MYO16: variants seen among roughly 807,000 people sequenced by gnomAD.
The protein encoded by MYO16 is myosin XVI.
Under a neutral mutation model 205.3 loss-of-function variants are expected in MYO16, and 94 were observed. The observed-to-expected ratio is 0.46, with a 90% CI of 0.39 to 0.54. The LOEUF is 0.54. Among genes scored for constraint, MYO16 ranks in the 20% least tolerant of loss-of-function variants. The pLI is 0.00. For missense variants in MYO16, 2,315 were observed against 2,387.5 expected, an observed-to-expected ratio of 0.97 and a Z score of 0.63; for synonymous variants, 988 against 954.0, an observed-to-expected ratio of 1.04 and a Z score of -0.66.
intron 15 of MYO16, among the ~76,000 whole-genome samples, chr13:108,904,850 C>G (rs1450669215): frequency 1.3e-5 from 2 of 152,176 alleles, no homozygotes; most frequent in African/African-American, 2.4e-5. Context: ...CTCTTCTACA[C>G]AAGATCGTTC....
At chr13:108,542,152 G>C in the MYO16 span, among the ~76,000 whole-genome samples, 353 of 152,182 alleles carry the variant, frequency 2.3e-3, 2 homozygotes, top group African/African-American at 8.1e-3. Context: ...GAAAGAATGA[G>C]ATCATGCCAT....
At chr13:109,106,760 G>A (rs1326183881) in intron 28 of MYO16, among the ~76,000 whole-genome samples, 1 of 152,208 alleles carries the variant, frequency 6.6e-6, no homozygotes. Flanking sequence ...CTGCACCGAT[G>A]TGGCTCTGTG....
chr13:108,687,106 T>A (rs1882710353), intron 2 of MYO16, among the ~76,000 whole-genome samples: 1 of 152,260 alleles, frequency 6.6e-6, no homozygotes, highest in South Asian at 2.1e-4. Context: ...TAACAAGGAT[T>A]CACATATAAT....
At chr13:108,542,657 A>G in the MYO16 span, among the ~76,000 whole-genome samples, 4 of 152,154 alleles carry the variant, frequency 2.6e-5, no homozygotes, top group Non-Finnish European at 5.9e-5. Context: ...ACTGGCATTT[A>G]TATAAATGTG....
At chr13:108,742,903 C>G (rs1195445303) in intron 4 of MYO16, among the ~76,000 whole-genome samples, 1 of 152,148 alleles carries the variant, frequency 6.6e-6, no homozygotes, top group Non-Finnish European at 1.5e-5. Flanking sequence ...AGGGAATGGT[C>G]TCTGAATAGC....
At chr13:108,842,582 T>A (rs1261451131) in intron 9 of MYO16, among the ~76,000 whole-genome samples, 1 of 152,088 alleles carries the variant, frequency 6.6e-6, no homozygotes, top group African/African-American at 2.4e-5. Flanking sequence ...AGGAAGACAA[T>A]TATCAAAAAG....
At chr13:108,537,697 C>A in the MYO16 span, among the ~76,000 whole-genome samples, 1 of 151,930 alleles carries the variant, frequency 6.6e-6, no homozygotes, top group African/African-American at 2.4e-5. Flanking sequence ...TTAATAATAG[C>A]CATTGTGACT....
At chr13:108,621,626 T>A (rs1002757097) in intron 1 of MYO16, among the ~76,000 whole-genome samples, 8 of 152,118 alleles carry the variant, frequency 5.3e-5, no homozygotes, top group African/African-American at 1.7e-4. Flanking sequence ...TCATCGACAT[T>A]GTCGTGGCTC....
intron 9 of MYO16, among the ~76,000 whole-genome samples, chr13:108,828,122 C>T (rs1025232914): frequency 1.4e-4 from 22 of 152,128 alleles, no homozygotes; most frequent in South Asian, 4.1e-4. Flanking sequence ...AACACCTGGA[C>T]GCATGTCCTG....
chr13:109,001,181 TAA>T (rs111881859), intron 21 of MYO16, among the ~76,000 whole-genome samples: 2 of 137,218 alleles, frequency 1.5e-5, no homozygotes, highest in African/African-American at 5.4e-5. Context: ...ATAAAAAATT[TAA>T]AAAAAAAAAA....
At chr13:108,806,845 T>C (rs1224279577) in intron 7 of MYO16, 41 bp downstream of exon 7, 2 of 1,315,598 alleles carry the variant, frequency 1.5e-6, no homozygotes, top group Admixed American at 5.2e-5. Flanking sequence ...TAATTTTATA[T>C]AATTAATGAA....
intron 27 of MYO16, among the ~76,000 whole-genome samples, chr13:109,082,686 T>G (rs2139673064): frequency 6.6e-6 from 1 of 152,042 alleles, no homozygotes; most frequent in South Asian, 2.1e-4. Context: ...AATATGAAAA[T>G]TAGCTGGGCC....
chr13:108,559,976 T>C, the MYO16 span, among the ~76,000 whole-genome samples: 1 of 152,160 alleles, frequency 6.6e-6, no homozygotes, highest in Non-Finnish European at 1.5e-5. Context: ...TACTTAAAAA[T>C]TGTTATGGTA....
the MYO16 span, among the ~76,000 whole-genome samples, chr13:108,570,294 G>A: frequency 5.3e-5 from 8 of 151,748 alleles, no homozygotes; most frequent in Middle Eastern, 3.4e-3. Context: ...TATCACCCAG[G>A]CTGGAGTGCA....
chr13:108,674,930 G>A (rs1321151346), intron 2 of MYO16, among the ~76,000 whole-genome samples: 2 of 152,188 alleles, frequency 1.3e-5, no homozygotes, highest in Admixed American at 6.5e-5. Context: ...TGACAACATG[G>A]TGCTGTCTGC....
intron 2 of MYO16, among the ~76,000 whole-genome samples, chr13:108,681,550 C>T (rs542251772): frequency 6.6e-6 from 1 of 152,210 alleles, no homozygotes; most frequent in Admixed American, 6.5e-5. Flanking sequence ...AGCTTATGGT[C>T]CAGAATAAAT....
In MYO16 at chr13:108,964,176, G is replaced by A. The variant is rs563181915; in HGVS notation, c.2228-585G>A. Among the ~76,000 whole-genome samples the A allele has an allele frequency of 3.3e-5, 5 of 152,238 alleles. No individual in the cohort carries two copies. The South Asian group carries it at 1.0e-3, about 32-fold the overall frequency. On this transcript the variant is annotated intron_variant, in intron 19 of 34. Coordinates refer to ENST00000457511, the MANE Select transcript of MYO16 (RefSeq NM_001198950.3). ...CCCTCCTGCAACAGTGATGGGATAG[G>A]CTCAATGCCAAACCACCCTTGCTCT... is the stretch of plus-strand genomic sequence containing the variant.
intron 9 of MYO16, among the ~76,000 whole-genome samples, chr13:108,829,742 A>C (rs1876495063): frequency 6.6e-6 from 1 of 152,210 alleles, no homozygotes; most frequent in South Asian, 2.1e-4. Context: ...GAGGAGAAAT[A>C]CCCCATGGGG....
At chr13:109,199,651 G>A (rs927243616) in intron 34 of MYO16, among the ~76,000 whole-genome samples, 2 of 152,168 alleles carry the variant, frequency 1.3e-5, no homozygotes, top group Non-Finnish European at 2.9e-5. Context: ...TATACTCAGT[G>A]TGAAGCCAGC....
Sources: allele counts gnomAD v4.1 joint callset (sites outside exome capture counted in the v4.1 genomes callset), GRCh38; gene constraint gnomAD v4.1.1; transcripts MANE v1.5; gene names NCBI Gene and HGNC (gene_info 2026-07-23, HGNC 2026-07-21).